Variants in KCTD8 observed in about 807,000 individuals in gnomAD.
KCTD8 encodes BTB/POZ domain-containing protein KCTD8.
KCTD8 carries 27 observed loss-of-function variants against 31.5 expected under a neutral mutation model. The observed-to-expected ratio is 0.86, with a 90% CI of 0.63 to 1.18. The LOEUF (loss-of-function observed/expected upper bound fraction) is 1.18. Among genes scored for constraint, KCTD8 ranks in the 50% most tolerant of loss-of-function variants. KCTD8 has a pLI of 0.00. For synonymous variants in KCTD8, 290 were observed against 280.0 expected (o/e 1.04, Z -0.36); for missense variants, 658 against 647.7 (o/e 1.02, Z -0.17).
intron 1 of KCTD8, among the ~76,000 whole-genome samples, chr4:44,332,566 T>A (rs796681764): frequency 9.2e-5 from 14 of 152,132 alleles, no homozygotes; most frequent in African/African-American, 3.1e-4. Context: ...ACCTTACATT[T>A]ATGTACTATT....
At chr4:44,349,437 A>T (rs762654237) in intron 1 of KCTD8, among the ~76,000 whole-genome samples, 3 of 152,186 alleles carry the variant, frequency 2.0e-5, no homozygotes, top group Non-Finnish European at 4.4e-5. Flanking sequence ...GCAATTGTCC[A>T]ACATCGGGCA....
At chr4:44,354,055 C>T (rs1420519589) in intron 1 of KCTD8, among the ~76,000 whole-genome samples, 1 of 152,056 alleles carries the variant, frequency 6.6e-6, no homozygotes, top group African/African-American at 2.4e-5. Flanking sequence ...TTCCATAACT[C>T]CCCCTTTCAC....
At chr4:44,185,899 CACAT>C (rs879615990) in intron 1 of KCTD8, among the ~76,000 whole-genome samples, 2 of 152,082 alleles carry the variant, frequency 1.3e-5, no homozygotes, top group Non-Finnish European at 2.9e-5. Flanking sequence ...ACACACAAAA[CACAT>C]ACACACTAAT....
At position 44,448,241 on chromosome 4, in the gene KCTD8, C is replaced by T; in HGVS notation, c.283G>A (p.Ala95Thr). 1 of 1,611,154 alleles carries T rather than the reference C, an allele frequency of 6.2e-7. No homozygotes were observed. Among genetic ancestry groups the T allele is most frequent in the South Asian group, 1.1e-5 (1 of 90,892 alleles). ...CCGTCCCGGTCGATGAAGAAGCGCG[C>T]CCGGCTGTCCCTGGGCAGCTCGCCC... ...RRGELPRDSR[A>T]RFFIDRDGFL... The change falls in exon 1 of 2, where the codon GCG becomes ACG. Residue 95 changes from alanine to threonine, a missense_variant. Ala to Thr is a moderately conservative substitution (Grantham distance 58). Coordinates refer to ENST00000360029, the MANE Select transcript of KCTD8 (RefSeq NM_198353.3). This position sits in a 1 kb window ranked among gnomAD's most constrained non-coding sequence, Gnocchi z 4.1.
chr4:44,301,713 T>C (rs1717629145), intron 1 of KCTD8, among the ~76,000 whole-genome samples: 1 of 152,176 alleles, frequency 6.6e-6, no homozygotes, highest in African/African-American at 2.4e-5. Context: ...CAGAAGCTCT[T>C]TAGTTTAATT....
At chr4:44,407,557 T>C (rs1385364270) in intron 1 of KCTD8, among the ~76,000 whole-genome samples, 1 of 152,110 alleles carries the variant, frequency 6.6e-6, no homozygotes, top group Admixed American at 6.6e-5. Flanking sequence ...CAGCTAATTT[T>C]GTATTTTTAG....
intron 1 of KCTD8, among the ~76,000 whole-genome samples, chr4:44,227,254 A>T (rs1335962072): frequency 6.6e-6 from 1 of 152,198 alleles, no homozygotes; most frequent in African/African-American, 2.4e-5. Context: ...TGTTTTCTGC[A>T]TATGGCTAGC....
intron 1 of KCTD8, among the ~76,000 whole-genome samples, chr4:44,379,431 T>C (rs1217915023): frequency 6.6e-6 from 1 of 152,056 alleles, no homozygotes; most frequent in Non-Finnish European, 1.5e-5. Context: ...ATTATTAGGT[T>C]TTTGCATACA....
At chr4:44,323,509 C>A (rs1395061735) in intron 1 of KCTD8, among the ~76,000 whole-genome samples, 201 of 136,790 alleles carry the variant, frequency 1.5e-3, no homozygotes, top group African/African-American at 3.3e-3. Context: ...CACCCCCCCC[C>A]AAAAAAAATT....
chr4:44,257,212 T>C (rs1716016271), intron 1 of KCTD8, among the ~76,000 whole-genome samples: 2 of 152,002 alleles, frequency 1.3e-5, no homozygotes, highest in Non-Finnish European at 2.9e-5. Flanking sequence ...TTAATGTATG[T>C]ATTTTATACT....
At chr4:44,247,492 T>C (rs2109359826) in intron 1 of KCTD8, among the ~76,000 whole-genome samples, 1 of 152,048 alleles carries the variant, frequency 6.6e-6, no homozygotes, top group Non-Finnish European at 1.5e-5. Context: ...ACATGAGATC[T>C]ACCCTGTTAA....
In KCTD8 at chr4:44,387,094, A is replaced by G. The variant is rs532190253; in HGVS notation, c.961+60469T>C. Among the ~76,000 whole-genome samples the G allele has an allele frequency of 2.6e-5, 4 of 151,914 alleles. No homozygotes were observed. The South Asian group carries it at 8.3e-4, about 32-fold the overall frequency. On this transcript the variant is annotated intron_variant, in intron 1 of 1. Coordinates refer to ENST00000360029, the MANE Select transcript of KCTD8 (RefSeq NM_198353.3). ...CCTATATACCAACAGTCAAACTAAA[A>G]GCAAAATCATGAACAAACTCTCATT...
intron 1 of KCTD8, among the ~76,000 whole-genome samples, chr4:44,376,382 G>T (rs1238111075): frequency 6.6e-6 from 1 of 152,108 alleles, no homozygotes; most frequent in Non-Finnish European, 1.5e-5. Context: ...TTTGCAAAAA[G>T]GTTGTAGGGC....
intron 1 of KCTD8, among the ~76,000 whole-genome samples, chr4:44,308,427 G>GTGGACTAA (rs1258078701): frequency 2.0e-5 from 3 of 151,870 alleles, no homozygotes; most frequent in Admixed American, 6.6e-5. Flanking sequence ...ATAATGGATT[G>GTGGACTAA]TGGACTAATA....
chr4:44,187,404 G>C (rs1204988636), intron 1 of KCTD8, among the ~76,000 whole-genome samples: 2 of 151,970 alleles, frequency 1.3e-5, no homozygotes, highest in Non-Finnish European at 2.9e-5. Flanking sequence ...CACCCTTCTC[G>C]TGCTTAAATC....
intron 1 of KCTD8, among the ~76,000 whole-genome samples, chr4:44,182,486 A>T (rs946321036): frequency 6.6e-6 from 1 of 152,144 alleles, no homozygotes. Flanking sequence ...CTATGACCTT[A>T]CCCCCAACCA....
chr4:44,413,538 G>T (rs762659393), intron 1 of KCTD8, among the ~76,000 whole-genome samples: 7 of 152,104 alleles, frequency 4.6e-5, no homozygotes, highest in Non-Finnish European at 1.0e-4. Flanking sequence ...ATGATAAAAT[G>T]AGCTATATAT....
intron 1 of KCTD8, among the ~76,000 whole-genome samples, chr4:44,405,818 A>C (rs1225417859): frequency 1.3e-5 from 1 of 74,374 alleles, no homozygotes; most frequent in African/African-American, 4.7e-5. Flanking sequence ...CCTGTTTCTC[A>C]AAAAAAAAAA....
intron 1 of KCTD8, among the ~76,000 whole-genome samples, chr4:44,409,993 TA>T (rs1720914655): frequency 6.6e-6 from 1 of 152,204 alleles, no homozygotes; most frequent in Admixed American, 6.5e-5. Flanking sequence ...GGTATCACTT[TA>T]TCAGTAAAAC....
Sources: gnomAD v4.1 joint callset for allele counts (sites outside exome capture counted in the v4.1 genomes callset) on GRCh38, gnomAD v4.1.1 for gene constraint, Gnocchi (gnomAD v3.1) non-coding constraint, MANE v1.5 for transcripts, NCBI Gene and HGNC (gene_info 2026-07-23, HGNC 2026-07-21) for gene names.